PSMB7: variants seen among roughly 807,000 people sequenced by gnomAD.
PSMB7 encodes proteasome 20S subunit beta 7, also known as proteasome subunit beta type-7.
A neutral mutation model predicts 28.1 loss-of-function variants in PSMB7; 5 were observed. The observed-to-expected ratio is 0.18, with a 90% CI of 0.09 to 0.37. The LOEUF is 0.37. Ranked by LOEUF, PSMB7 falls within the 10% of genes least tolerant of loss-of-function variation. PSMB7 has a pLI of 1.00. For synonymous variants in PSMB7, 122 were observed against 123.7 expected, an observed-to-expected ratio of 0.99 and a Z score of 0.09; for missense variants, 275 against 346.2, an observed-to-expected ratio of 0.79 and a Z score of 1.63.
chr9:124,393,922 CTT>C (rs1215131895), intron 5 of PSMB7, among the ~76,000 whole-genome samples: 3 of 152,224 alleles, frequency 2.0e-5, no homozygotes, highest in Non-Finnish European at 4.4e-5. Flanking sequence ...ATGCACCTAT[CTT>C]AATCAGTCCC....
At chr9:124,355,028 G>A (rs1392977826) in intron 7 of PSMB7, among the ~76,000 whole-genome samples, 1 of 152,230 alleles carries the variant, frequency 6.6e-6, no homozygotes, top group Admixed American at 6.5e-5. Flanking sequence ...CGCATGGCAC[G>A]GGATGCTTCC....
chr9:124,412,037 A>G (rs1831032407), intron 4 of PSMB7, among the ~76,000 whole-genome samples: 2 of 152,172 alleles, frequency 1.3e-5, no homozygotes, highest in Admixed American at 6.5e-5. Flanking sequence ...GTTTCACAAG[A>G]CAACTTGATA....
chr9:124,386,132 A>T (rs1830716285), intron 5 of PSMB7, among the ~76,000 whole-genome samples: 1 of 151,450 alleles, frequency 6.6e-6, no homozygotes, highest in Non-Finnish European at 1.5e-5. Flanking sequence ...CCCTCCTCAC[A>T]ATTTTTTTCT....
At chr9:124,363,868 G>A (rs981069061) in intron 6 of PSMB7, among the ~76,000 whole-genome samples, 4 of 152,120 alleles carry the variant, frequency 2.6e-5, no homozygotes, top group African/African-American at 7.2e-5. Flanking sequence ...GTCAGAACTC[G>A]CAGCCAGGAA....
intron 7 of PSMB7, among the ~76,000 whole-genome samples, chr9:124,354,090 T>C (rs780641280): frequency 5.9e-5 from 9 of 152,192 alleles, no homozygotes; most frequent in Non-Finnish European, 1.2e-4. Flanking sequence ...GAGAAGGGCA[T>C]GATTGCTCTT....
At chr9:124,368,670 TAACTG>T in intron 6 of PSMB7, among the ~76,000 whole-genome samples, 1 of 152,362 alleles carries the variant, frequency 6.6e-6, no homozygotes, top group Admixed American at 6.5e-5. Flanking sequence ...TTGTAAATCT[TAACTG>T]AAACTGACCA....
chr9:124,383,810 C>G (rs1830691615), intron 6 of PSMB7: 1 of 152,172 alleles, frequency 6.6e-6, no homozygotes, highest in Non-Finnish European at 1.5e-5. Context: ...AAAAAATTAA[C>G]AACCATCAAA....
At chr9:124,363,400 CG>C (rs1830480236) in intron 6 of PSMB7, among the ~76,000 whole-genome samples, 1 of 152,222 alleles carries the variant, frequency 6.6e-6, no homozygotes, top group Non-Finnish European at 1.5e-5. Flanking sequence ...GTGTTTGAAA[CG>C]GTCTCCGCGA....
chr9:124,372,398 A>G (rs181372246), intron 6 of PSMB7, among the ~76,000 whole-genome samples: 3 of 152,330 alleles, frequency 2.0e-5, no homozygotes, highest in Admixed American at 2.0e-4. Flanking sequence ...AAGCCAATAT[A>G]CCATTTGTTG....
At chr9:124,410,930 C>T (rs7027515) in intron 4 of PSMB7, among the ~76,000 whole-genome samples, 71,742 of 152,018 alleles carry the variant, frequency 0.47, 17,441 homozygotes, top group Non-Finnish European at 0.54. Flanking sequence ...CCGAAGATTA[C>T]GGCCACATGT....
chr9:124,395,471 G>A (rs532659692), intron 5 of PSMB7, among the ~76,000 whole-genome samples: 4 of 151,962 alleles, frequency 2.6e-5, no homozygotes, highest in Non-Finnish European at 4.4e-5. Context: ...TCAGCCTGGC[G>A]ACAGAGCAAG....
chr9:124,369,608 G>A (rs1393274948), intron 6 of PSMB7, among the ~76,000 whole-genome samples: 1 of 152,060 alleles, frequency 6.6e-6, no homozygotes. Context: ...ACACTGACTC[G>A]GGAAATGACC....
intron 5 of PSMB7, among the ~76,000 whole-genome samples, chr9:124,402,603 A>G (rs985164605): frequency 5.9e-5 from 9 of 152,340 alleles, no homozygotes; most frequent in Admixed American, 3.9e-4. Flanking sequence ...GAGGCAGAAC[A>G]CATGTGTCAA....
At chr9:124,371,384 C>T (rs1018132637) in intron 6 of PSMB7, among the ~76,000 whole-genome samples, 1 of 152,218 alleles carries the variant, frequency 6.6e-6, no homozygotes, top group Non-Finnish European at 1.5e-5. Flanking sequence ...ACTCTAACCA[C>T]AGACGACCTC....
intron 5 of PSMB7, among the ~76,000 whole-genome samples, chr9:124,385,491 A>G (rs1300800320): frequency 3.3e-5 from 5 of 152,220 alleles, no homozygotes; most frequent in Admixed American, 1.3e-4. Context: ...AAACCAGAGA[A>G]TCTTTAGAAA....
intron 6 of PSMB7, among the ~76,000 whole-genome samples, chr9:124,358,228 C>T (rs1322880349): frequency 6.6e-6 from 1 of 152,142 alleles, no homozygotes. Context: ...AGATCTGAAC[C>T]CACTGGGGGC....
intron 6 of PSMB7, among the ~76,000 whole-genome samples, chr9:124,381,335 T>C (rs978219927): frequency 6.6e-6 from 1 of 152,252 alleles, no homozygotes; most frequent in Non-Finnish European, 1.5e-5. Flanking sequence ...GCCAAGAGTT[T>C]ATTTCATAAG....
intron 5 of PSMB7, among the ~76,000 whole-genome samples, chr9:124,390,214 G>A (rs1220030488): frequency 6.6e-6 from 1 of 152,228 alleles, no homozygotes; most frequent in African/African-American, 2.4e-5. Context: ...TGACAAAGGT[G>A]TGATCAAATG....
chr9:124,396,891 G>A (rs774455814), intron 5 of PSMB7: 22 of 452,416 alleles, frequency 4.9e-5, no homozygotes, highest in Non-Finnish European at 9.0e-6. Flanking sequence ...AGAATTAAAA[G>A]AACCCACATT....
Sources: gnomAD v4.1 joint callset for allele counts (sites outside exome capture counted in the v4.1 genomes callset) on GRCh38, gnomAD v4.1.1 for gene constraint, MANE v1.5 for transcripts, NCBI Gene and HGNC (gene_info 2026-07-23, HGNC 2026-07-21) for gene names.